Variants in ADAMTSL3 observed in about 807,000 individuals in gnomAD.
The protein encoded by ADAMTSL3 is ADAMTS-like protein 3.
A neutral mutation model predicts 201.7 loss-of-function variants in ADAMTSL3; 128 were observed. The ratio of observed to expected loss-of-function variants is 0.63; its 90% CI spans 0.55 to 0.73. The LOEUF (loss-of-function observed/expected upper bound fraction) is 0.73. Ranked by LOEUF, ADAMTSL3 falls within the 30% of genes least tolerant of loss-of-function variation. The pLI is 0.00. For synonymous variants in ADAMTSL3, 738 were observed against 748.4 expected (o/e 0.99, Z 0.23); for missense variants, 1,990 against 2,119.6 (o/e 0.94, Z 1.20).
At chr15:83,678,759 ATTG>A (rs1307004713) in intron 2 of ADAMTSL3, among the ~76,000 whole-genome samples, 1,953 of 141,536 alleles carry the variant, frequency 0.014, 53 homozygotes, top group African/African-American at 0.048. Flanking sequence ...TTATATATAT[ATTG>A]TGTATATATA....
chr15:83,798,069 C>T (rs541593693), intron 4 of ADAMTSL3, among the ~76,000 whole-genome samples: 122 of 152,098 alleles, frequency 8.0e-4, no homozygotes, highest in African/African-American at 2.7e-3. Flanking sequence ...CATCTGTTAA[C>T]GTGGATATTC....
chr15:83,984,966 T>G (rs1264629737), intron 21 of ADAMTSL3, among the ~76,000 whole-genome samples: 2 of 152,238 alleles, frequency 1.3e-5, no homozygotes, highest in Non-Finnish European at 2.9e-5. Context: ...ACACTAAAAC[T>G]AGACAAAGGG....
intron 3 of ADAMTSL3, among the ~76,000 whole-genome samples, chr15:83,728,299 T>TA (rs2062211619): frequency 6.6e-6 from 1 of 151,960 alleles, no homozygotes; most frequent in South Asian, 2.1e-4. Context: ...GTCTTTTTTT[T>TA]TTATTCATTT....
At chr15:83,921,904 T>C (rs578223395) in intron 16 of ADAMTSL3, among the ~76,000 whole-genome samples, 9 of 150,316 alleles carry the variant, frequency 6.0e-5, no homozygotes, top group Admixed American at 1.3e-4. Context: ...ACAAGCTATA[T>C]AGGTTTTTCT....
chr15:83,799,541 A>G (rs2063484637), intron 4 of ADAMTSL3, among the ~76,000 whole-genome samples: 1 of 152,128 alleles, frequency 6.6e-6, no homozygotes, highest in African/African-American at 2.4e-5. Flanking sequence ...CAAAACACAT[A>G]CTTCTCAGGC....
chr15:83,936,182 T>G (rs1286930535), intron 17 of ADAMTSL3, among the ~76,000 whole-genome samples: 3 of 152,006 alleles, frequency 2.0e-5, no homozygotes, highest in Non-Finnish European at 1.5e-5. Context: ...AACAAAACCT[T>G]GTAAAACTCA....
At chr15:83,831,129 G>A (rs539230552) in intron 6 of ADAMTSL3, among the ~76,000 whole-genome samples, 4 of 152,242 alleles carry the variant, frequency 2.6e-5, no homozygotes, top group South Asian at 2.1e-4. Context: ...CTCTGCCTTC[G>A]TCTGCACCTT....
At chr15:83,750,752 A>G (rs548040790) in intron 3 of ADAMTSL3, among the ~76,000 whole-genome samples, 2 of 152,112 alleles carry the variant, frequency 1.3e-5, no homozygotes, top group Non-Finnish European at 2.9e-5. Context: ...GGGTTTCACC[A>G]TGTTGGCTAG....
At chr15:83,730,417 T>C (rs2062247282) in intron 3 of ADAMTSL3, among the ~76,000 whole-genome samples, 2 of 151,962 alleles carry the variant, frequency 1.3e-5, no homozygotes, top group East Asian at 3.9e-4. Context: ...ATTCCAAACC[T>C]GGGATGGTGA....
In ADAMTSL3 at chr15:84,001,342, T is replaced by A. The variant is rs141684766; in HGVS notation, c.3973+10128T>A. 5.7e-3 allele frequency among the ~76,000 whole-genome samples: 869 copies of A among 152,304 alleles called. 6 individuals are homozygous for A. Among genetic ancestry groups the A allele is most frequent in the African/African-American group, 0.019 (785 of 41,566 alleles). Reference sequence around the variant, plus strand: ...ATAGGCAGCATGTCAATAAATAACATGTTGGAAAACCATCAAAGCTCATCA... The same window carrying A: ...ATAGGCAGCATGTCAATAAATAACAAGTTGGAAAACCATCAAAGCTCATCA... On this transcript the variant is annotated intron_variant, in intron 23 of 29. Coordinates refer to ENST00000286744, the MANE Select transcript of ADAMTSL3 (RefSeq NM_207517.3).
chr15:83,985,209 T>TA (rs561555152), intron 21 of ADAMTSL3, among the ~76,000 whole-genome samples: 11 of 151,968 alleles, frequency 7.2e-5, no homozygotes, highest in Non-Finnish European at 1.3e-4. Context: ...AATACACATT[T>TA]AAAAAAATCA....
chr15:83,852,759 T>C (rs1420181036), intron 7 of ADAMTSL3, among the ~76,000 whole-genome samples: 1 of 152,244 alleles, frequency 6.6e-6, no homozygotes, highest in Non-Finnish European at 1.5e-5. Flanking sequence ...TTTTGCTTAA[T>C]TTTTATTTCA....
chr15:84,004,457 G>T (rs2067855229), intron 23 of ADAMTSL3, among the ~76,000 whole-genome samples: 1 of 152,210 alleles, frequency 6.6e-6, no homozygotes, highest in Admixed American at 6.5e-5. Context: ...TCTTCCTCAG[G>T]AATTAGTGGG....
intron 23 of ADAMTSL3, among the ~76,000 whole-genome samples, chr15:84,008,013 C>G (rs1236999929): frequency 6.6e-6 from 1 of 152,174 alleles, no homozygotes; most frequent in Non-Finnish European, 1.5e-5. Context: ...TGAATCCACT[C>G]CAACCAAACA....
Position 83,843,583 on chromosome 15 carries a change from A to T in ADAMTSL3, c.727+5368A>T, listed in dbSNP as rs563249187. ...ATCATGCTTTGTGTGAAAGAAATGTAGGAAATGAAGCCATGTCTCCCCCTG... is the reference window on the plus strand; with the variant it reads ...ATCATGCTTTGTGTGAAAGAAATGTTGGAAATGAAGCCATGTCTCCCCCTG... On this transcript the variant is annotated intron_variant, in intron 7 of 29. Coordinates refer to ENST00000286744, the MANE Select transcript of ADAMTSL3 (RefSeq NM_207517.3). Among the ~76,000 whole-genome samples the T allele has an allele frequency of 2.0e-5, 3 of 152,332 alleles. No homozygotes were observed. The South Asian group carries it at 6.2e-4, about 32-fold the overall frequency.
intron 3 of ADAMTSL3, among the ~76,000 whole-genome samples, chr15:83,727,540 C>G (rs999248676): frequency 2.6e-5 from 4 of 151,830 alleles, no homozygotes; most frequent in African/African-American, 9.7e-5. Context: ...TTTCTTAGTA[C>G]TACTTTTGCT....
At chr15:83,773,755 T>C (rs1283999978) in intron 4 of ADAMTSL3, 105 bp downstream of exon 4, 1 of 1,383,768 alleles carries the variant, frequency 7.2e-7, no homozygotes, top group Non-Finnish European at 9.7e-7. Flanking sequence ...ACTGTGATGA[T>C]GGTGTAACGT....
chr15:83,728,277 A>G (rs956165773), intron 3 of ADAMTSL3, among the ~76,000 whole-genome samples: 1 of 150,098 alleles, frequency 6.7e-6, no homozygotes, highest in African/African-American at 2.4e-5. Flanking sequence ...TTTGTAGGCA[A>G]CACATCATTG....
At chr15:83,860,163 A>C (rs1596323902) in intron 8 of ADAMTSL3, among the ~76,000 whole-genome samples, 2 of 152,138 alleles carry the variant, frequency 1.3e-5, no homozygotes, top group Non-Finnish European at 2.9e-5. Context: ...CTCTGATTGC[A>C]CCACTGCAAT....
Sources: gnomAD v4.1 joint callset for allele counts (sites outside exome capture counted in the v4.1 genomes callset) on GRCh38, gnomAD v4.1.1 for gene constraint, MANE v1.5 for transcripts, NCBI Gene and HGNC (gene_info 2026-07-23, HGNC 2026-07-21) for gene names.